Variants in TMEM185A observed in about 807,000 individuals in gnomAD.
TMEM185A encodes the protein family with sequence similarity 11, member A.
TMEM185A carries 9 observed loss-of-function variants against 25.0 expected under a neutral mutation model. The observed-to-expected ratio is 0.36, with a 90% CI of 0.22 to 0.63. TMEM185A has a LOEUF of 0.63. Among genes scored for constraint, TMEM185A ranks in the 20% least tolerant of loss-of-function variants. The pLI is 0.68. For synonymous variants in TMEM185A, 45 were observed against 93.5 expected (o/e 0.48, Z 2.99); for missense variants, 103 against 237.4 (o/e 0.43, Z 3.72).
intron 3 of TMEM185A, among the ~76,000 whole-genome samples, chrX:149,607,407 C>T (rs891936912): frequency 3.5e-4 from 39 of 112,082 alleles, no homozygotes; most frequent in African/African-American, 1.2e-3. Flanking sequence ...GCTTTAGAGT[C>T]GGGCTGACTC....
chrX:149,621,823 T>C (rs2090141121), intron 1 of TMEM185A, among the ~76,000 whole-genome samples: 1 of 112,190 alleles, frequency 8.9e-6, no homozygotes, highest in African/African-American at 3.2e-5. Context: ...CCTCCTTTTC[T>C]GTCTCCCTCT....
chrX:149,615,794 G>A lies in TMEM185A; in HGVS notation c.39-4331C>T, dbSNP rs938046660. Among the ~76,000 whole-genome samples the A allele has an allele frequency of 8.0e-5, 9 of 111,995 alleles. 1 individual carries two copies. Among genetic ancestry groups the A allele is most frequent in the Non-Finnish European group, 1.7e-4 (9 of 53,166 alleles). On this transcript the variant is annotated intron_variant, in intron 1 of 6. Coordinates refer to ENST00000600449, the MANE Select transcript of TMEM185A (RefSeq NM_032508.4). ...TAGCATCACAAATATAAAACACTTA[G>A]GGATAAATGTAACAACATATATGCA...
At chrX:149,617,503 T>C (rs1428949268) in intron 1 of TMEM185A, among the ~76,000 whole-genome samples, 5 of 111,895 alleles carry the variant, frequency 4.5e-5, no homozygotes, top group Admixed American at 2.9e-4. Flanking sequence ...TATTTTCAGA[T>C]GTTAGGACAA....
At chrX:149,623,001 C>A (rs1416019993) in intron 1 of TMEM185A, among the ~76,000 whole-genome samples, 9 of 112,626 alleles carry the variant, frequency 8.0e-5, no homozygotes, top group African/African-American at 2.9e-4. Flanking sequence ...TCCATCACCT[C>A]AAGCACTGAT....
At chrX:149,630,687 A>G (rs1422641499) in intron 1 of TMEM185A, among the ~76,000 whole-genome samples, 1 of 111,567 alleles carries the variant, frequency 9.0e-6, no homozygotes, top group Non-Finnish European at 1.9e-5. Context: ...CAAACATTTT[A>G]TATGTGCCTA....
At chrX:149,618,184 G>T (rs2090120298) in intron 1 of TMEM185A, among the ~76,000 whole-genome samples, 1 of 111,701 alleles carries the variant, frequency 9.0e-6, no homozygotes, top group African/African-American at 3.3e-5. Flanking sequence ...GCAGCTAACA[G>T]GTCTCCACTC....
intron 1 of TMEM185A, among the ~76,000 whole-genome samples, chrX:149,629,369 A>C (rs2090179792): frequency 9.0e-6 from 1 of 111,556 alleles, no homozygotes; most frequent in African/African-American, 3.3e-5. Flanking sequence ...TACACCCCTC[A>C]GTTTTCTTTC....
chrX:149,629,849 C>T (rs1244748430), intron 1 of TMEM185A, among the ~76,000 whole-genome samples: 1 of 112,170 alleles, frequency 8.9e-6, no homozygotes, highest in African/African-American at 3.2e-5. Context: ...AATTCTCTGT[C>T]ACCTTGCAAA....
At position 149,608,752 on chromosome X, in the gene TMEM185A, G is replaced by C. The variant is rs1557354011; in HGVS notation, c.298C>G (p.Leu100Val). 1.7e-6 allele frequency: 2 copies of C among 1,211,657 alleles called. No homozygotes were observed. The highest frequency in any genetic ancestry group is 2.2e-6 in the Non-Finnish European group (2 of 895,410). Residue 100 changes from leucine to valine, a missense_variant, in exon 3 of 7, where the codon CTG becomes GTG. Physicochemically the swap from Leu to Val is conservative, Grantham distance 32. Transcript: ENST00000600449. Reference protein sequence around the residue: ...IHLLLLMFEVLVCDRIERGSH... With the variant: ...IHLLLLMFEVVVCDRIERGSH... ...CCTCTCTCGATTCTGTCACAGACCA[G>C]AACTTCAAACATCAACAAGAGCAAG...
At chrX:149,626,745 G>A (rs1335088388) in intron 1 of TMEM185A, among the ~76,000 whole-genome samples, 1 of 112,229 alleles carries the variant, frequency 8.9e-6, no homozygotes, top group Non-Finnish European at 1.9e-5. Flanking sequence ...AGGGCAACAG[G>A]TGGGGAGAAG....
At chrX:149,630,469 A>G (rs12013571) in intron 1 of TMEM185A, among the ~76,000 whole-genome samples, 25,049 of 110,892 alleles carry the variant, frequency 0.23, 2,714 homozygotes, top group African/African-American at 0.4. Context: ...AAAGCACCTA[A>G]CATAGGTTAC....
intron 3 of TMEM185A, among the ~76,000 whole-genome samples, chrX:149,607,868 G>A (rs1367076196): frequency 1.8e-5 from 2 of 111,453 alleles, no homozygotes; most frequent in African/African-American, 6.5e-5. Context: ...TACTGACTTT[G>A]AATAAAGGAG....
At chrX:149,611,587 T>TTGAGTTAG in intron 1 of TMEM185A, 124 bp from the exon 2 acceptor site, 1 of 631,064 alleles carries the variant, frequency 1.6e-6, no homozygotes, top group Non-Finnish European at 2.4e-6. Context: ...TAATCATTTA[T>TTGAGTTAG]TGAAAAGGTC....
chrX:149,619,650 C>T (rs1161071928), intron 1 of TMEM185A, among the ~76,000 whole-genome samples: 3 of 108,487 alleles, frequency 2.8e-5, no homozygotes, highest in African/African-American at 6.7e-5. Flanking sequence ...TATCCCTCCC[C>T]CCAACCCCCA....
rs2089993247 is a variant in TMEM185A at position 149,596,931 on chromosome X, A to T, written c.*1080T>A. The T allele has an allele frequency of 9.5e-6, 1 of 105,342 alleles. No individual in the cohort carries two copies. The highest frequency in any genetic ancestry group is 3.5e-5 in the African/African-American group (1 of 28,376). 8.7% of individuals were successfully genotyped at this position (105,342 alleles called of 1,213,427 possible). A position where few individuals can be genotyped will look rare whatever the true frequency, so the allele number is the denominator to read the frequency against. ...TTGGAGAAACGGCACGCACACGTGA[A>T]AACATCATGCCTACTCCAAAGCCTT... On this transcript the variant is annotated 3_prime_UTR_variant, in exon 7 of 7. Coordinates refer to ENST00000600449, the MANE Select transcript of TMEM185A (RefSeq NM_032508.4).
In TMEM185A at chrX:149,604,191, T is replaced by C. The variant is rs57744086; in HGVS notation, c.424-121A>G. On this transcript the variant is annotated intron_variant, in intron 3 of 6. Coordinates refer to ENST00000600449, the MANE Select transcript of TMEM185A (RefSeq NM_032508.4). Reference sequence around the variant, plus strand: ...ATACAGTGTAACTTGTATAATATTATATTGCACTGGAAACTCCTGATTTTC... The same window carrying C: ...ATACAGTGTAACTTGTATAATATTACATTGCACTGGAAACTCCTGATTTTC... 8.4e-3 allele frequency: 3,969 copies of C among 470,143 alleles called. 110 individuals are homozygous for C. The African/African-American group carries it at 0.086, about 10-fold the overall frequency. 38.7% of individuals were successfully genotyped at this position (470,143 alleles called of 1,213,427 possible).
At chrX:149,609,911 T>C (rs782080205) in intron 2 of TMEM185A, among the ~76,000 whole-genome samples, 4 of 111,879 alleles carry the variant, frequency 3.6e-5, no homozygotes, top group African/African-American at 6.5e-5. Context: ...TGAGAAGCAA[T>C]TAATATTAGA....
chrX:149,627,469 T>C (rs1371108922), intron 1 of TMEM185A, among the ~76,000 whole-genome samples: 3 of 112,142 alleles, frequency 2.7e-5, no homozygotes, highest in Admixed American at 1.9e-4. Context: ...CTTTTCTACA[T>C]AGACACAGTA....
At chrX:149,620,107 T>C (rs1476350634) in intron 1 of TMEM185A, among the ~76,000 whole-genome samples, 1 of 111,520 alleles carries the variant, frequency 9.0e-6, no homozygotes, top group African/African-American at 3.3e-5. Flanking sequence ...GAACTAGAAA[T>C]ACCATTTGAC....
Sources: allele counts gnomAD v4.1 joint callset (sites outside exome capture counted in the v4.1 genomes callset), GRCh38; gene constraint gnomAD v4.1.1; transcripts MANE v1.5; gene names NCBI Gene and HGNC (gene_info 2026-07-23, HGNC 2026-07-21).